Variants in ANK3 observed in about 807,000 individuals in gnomAD.
ANK3 encodes ankyrin-3.
A neutral mutation model predicts 370.9 loss-of-function variants in ANK3; 57 were observed. That is an observed-to-expected ratio of 0.15 (90% CI 0.12 to 0.19). The LOEUF (loss-of-function observed/expected upper bound fraction) is 0.19. ANK3 is among the 10% of genes least tolerant of loss of function. The pLI is 1.00. For missense variants in ANK3, 4,439 were observed against 5,302.1 expected, an observed-to-expected ratio of 0.84 and a Z score of 5.06; for synonymous variants, 1,929 against 1,946.3, an observed-to-expected ratio of 0.99 and a Z score of 0.23.
At chr10:60,303,423 G>A (rs1211318152) in intron 1 of ANK3, among the ~76,000 whole-genome samples, 1 of 152,108 alleles carries the variant, frequency 6.6e-6, no homozygotes, top group Non-Finnish European at 1.5e-5. Context: ...TTTTTCAAAA[G>A]TTGACTTCAG....
rs746178496 is a variant in ANK3, at chr10:60,074,069, A to C, written c.6812T>G (p.Met2271Arg). ...EGASERIEET[M>R]SVHDIMKAFQ... ...GGCCTTCATGATGTCATGGACTGACATGGTTTCTTCAATTCTTTCAGATGC... is the reference window on the plus strand; with the variant it reads ...GGCCTTCATGATGTCATGGACTGACCTGGTTTCTTCAATTCTTTCAGATGC... The change falls in exon 37 of 44, where the codon ATG (methionine) becomes AGG (arginine). Residue 2271 changes from methionine (M) to arginine (R), a missense_variant. Coordinates refer to ENST00000280772, the MANE Select transcript of ANK3 (RefSeq NM_020987.5). The C allele has an allele frequency of 2.6e-5, 42 of 1,614,012 alleles. No homozygotes were observed. The highest frequency in any genetic ancestry group is 3.6e-5 in the Non-Finnish European group (42 of 1,179,996).
At chr10:60,319,191 A>G (rs143276914) in intron 1 of ANK3, among the ~76,000 whole-genome samples, 1 of 152,328 alleles carries the variant, frequency 6.6e-6, no homozygotes, top group African/African-American at 2.4e-5. Context: ...AGACACTTGC[A>G]AAGGGCAAAG....
chr10:60,389,729 C>T lies in ANK3; in HGVS notation c.-191G>A, dbSNP rs2062933312. ...CTTTTAAAAACCCAAATGATGGTGT[C>T]CGGACTTCATCCTACACCTTCCTCT... is the stretch of plus-strand genomic sequence containing the variant. On this transcript the variant is annotated 5_prime_UTR_variant, in exon 1 of 44. Coordinates refer to ENST00000280772, the MANE Select transcript of ANK3 (RefSeq NM_020987.5). The T allele has an allele frequency of 7.0e-7, 1 of 1,427,028 alleles. No individual in the cohort carries two copies. The highest frequency in any genetic ancestry group is 9.1e-7 in the Non-Finnish European group (1 of 1,096,748). The allele number at this position is 1,427,028 out of a possible 1,614,324, so 88.4% of individuals were successfully genotyped here. A position where few individuals can be genotyped will look rare whatever the true frequency, so the allele number is the denominator to read the frequency against.
intron 1 of ANK3, among the ~76,000 whole-genome samples, chr10:60,337,259 A>G (rs2053216941): frequency 1.3e-5 from 2 of 152,024 alleles, no homozygotes; most frequent in Admixed American, 6.6e-5. Flanking sequence ...CCATGATTTT[A>G]TCCTCTCCTC....
At chr10:60,733,451 C>G in exon 1 of ANK3, 1 of 780,726 alleles carries the variant, frequency 1.3e-6, no homozygotes, top group Admixed American at 4.4e-5. Context: ...AGCGCGGCCC[C>G]GCGACGCCCG....
intron 31 of ANK3, 28 bp downstream of exon 31, chr10:60,085,128 CT>C (rs757244585): frequency 1.3e-6 from 2 of 1,562,362 alleles, no homozygotes; most frequent in South Asian, 2.3e-5. Flanking sequence ...TAATTCCTTA[CT>C]GCTTTTTGGA....
At chr10:60,656,292 T>C (rs909692621) in intron 1 of ANK3, among the ~76,000 whole-genome samples, 1 of 152,224 alleles carries the variant, frequency 6.6e-6, no homozygotes, top group Non-Finnish European at 1.5e-5. Flanking sequence ...TGTATTGGCA[T>C]AAAGTTGTTA....
intron 1 of ANK3, among the ~76,000 whole-genome samples, chr10:60,377,840 C>G (rs906064772): frequency 5.3e-5 from 8 of 152,062 alleles, no homozygotes; most frequent in Non-Finnish European, 5.9e-5. Flanking sequence ...CAGCAAAATG[C>G]GAATAATGTC....
At chr10:60,101,230 C>T (rs2091214409) in intron 28 of ANK3, among the ~76,000 whole-genome samples, 1 of 152,104 alleles carries the variant, frequency 6.6e-6, no homozygotes, top group Admixed American at 6.5e-5. Context: ...TTCAAGTGCT[C>T]TGTTGTTCCC....
At chr10:60,654,098 G>GT (rs1283843289) in intron 1 of ANK3, among the ~76,000 whole-genome samples, 1 of 152,056 alleles carries the variant, frequency 6.6e-6, no homozygotes, top group Non-Finnish European at 1.5e-5. Context: ...AAATGAATCT[G>GT]TTTTTGTATT....
chr10:60,108,192 T>A (rs1156951142), intron 27 of ANK3: 1 of 447,732 alleles, frequency 2.2e-6, no homozygotes, highest in African/African-American at 2.0e-5. Flanking sequence ...TCCTACCCAA[T>A]AAATTTTGTT....
rs2094587412 is a variant in ANK3 at position 60,141,910 on chromosome 10, T to A, written c.2615-2823A>T. Among the ~76,000 whole-genome samples the A allele has an allele frequency of 3.3e-5, 5 of 152,274 alleles. No individual in the cohort carries two copies. The South Asian group carries it at 1.0e-3, about 32-fold the overall frequency. ...ATACATGGAAATAGAAGGGAAGTCA[T>A]TTATAATGTCTGGAACATATTGAAA... On this transcript the variant is annotated intron_variant, in intron 23 of 43. Coordinates refer to ENST00000280772, the MANE Select transcript of ANK3 (RefSeq NM_020987.5).
chr10:60,087,159 G>A (rs899275604), intron 29 of ANK3, among the ~76,000 whole-genome samples: 3 of 152,028 alleles, frequency 2.0e-5, no homozygotes, highest in Admixed American at 1.3e-4. Flanking sequence ...CCAGTCTCAC[G>A]GCATAGAAGT....
At chr10:60,641,120 G>A (rs1402954725) in intron 1 of ANK3, among the ~76,000 whole-genome samples, 2 of 149,886 alleles carry the variant, frequency 1.3e-5, no homozygotes, top group African/African-American at 2.5e-5. Context: ...ACTGCTCAAG[G>A]AAATAAAAGA....
intron 42 of ANK3, chr10:60,044,719 T>C (rs1374621511): frequency 6.6e-6 from 1 of 152,212 alleles, no homozygotes; most frequent in Non-Finnish European, 1.5e-5. Flanking sequence ...TCTTCATTAG[T>C]TCTACCGAAT....
chr10:60,382,759 T>C (rs186654505), intron 1 of ANK3, among the ~76,000 whole-genome samples: 1 of 148,852 alleles, frequency 6.7e-6, no homozygotes, highest in Admixed American at 6.7e-5. Flanking sequence ...AATGTTGTAT[T>C]TAGATATTCT....
chr10:60,045,221 T>A lies in ANK3; in HGVS notation c.13066-2462A>T, dbSNP rs2131875424. ...CCATTGGCTGGCATTGACAAAATTA[T>A]CAGAGTCACTATCTTTTACATTCCA... On this transcript the variant is annotated intron_variant, in intron 42 of 43. Transcript: ENST00000280772. 2.0e-5 allele frequency among the ~76,000 whole-genome samples: 3 copies of A among 152,366 alleles called. No homozygotes were observed. The South Asian group carries it at 6.2e-4, about 32-fold the overall frequency.
intron 36 of ANK3, among the ~76,000 whole-genome samples, chr10:60,079,830 A>C (rs2084763983): frequency 6.6e-6 from 1 of 151,002 alleles, no homozygotes; most frequent in South Asian, 2.1e-4. Flanking sequence ...GCAGACAGAA[A>C]GAGAGAGAGA....
Position 60,389,500 on chromosome 10 carries a change from A to T in ANK3, c.39T>A (p.Asp13Glu), listed in dbSNP as rs148480546. The T allele has an allele frequency of 1.2e-6, 2 of 1,613,812 alleles. No individual in the cohort carries two copies. Among genetic ancestry groups the T allele is most frequent in the African/African-American group, 2.7e-5 (2 of 74,924 alleles). Residue 13 changes from aspartate (D) to glutamate (E), a missense_variant, in exon 1 of 44, where the codon GAT becomes GAA. By Grantham distance (45) the Asp-to-Glu change is conservative. Transcript: ENST00000280772. ...HAASQLKKNR[D>E]LEINAEEEPE... is the part of the protein sequence containing the mutation. ...GCTCTTCTTCAGCATTGATTTCTAA[A>T]TCCCTGTTTTTCTTTAATTGTGAGG...
Sources: allele counts gnomAD v4.1 joint callset (sites outside exome capture counted in the v4.1 genomes callset), GRCh38; gene constraint gnomAD v4.1.1; transcripts MANE v1.5; gene names NCBI Gene and HGNC (gene_info 2026-07-23, HGNC 2026-07-21).